MCTP1: variants seen among roughly 807,000 people sequenced by gnomAD.
MCTP1 encodes the protein multiple C2 and transmembrane domain-containing protein 1.
In MCTP1, 69 loss-of-function variants were observed where a neutral mutation model predicts 120.6. The ratio of observed to expected loss-of-function variants is 0.57; its 90% CI spans 0.47 to 0.70. MCTP1 has a LOEUF of 0.70. Ranked by LOEUF, MCTP1 falls within the 30% of genes least tolerant of loss-of-function variation. The pLI is 0.00. For synonymous variants in MCTP1, 529 were observed against 493.1 expected (o/e 1.07, Z -0.96); for missense variants, 1,203 against 1,248.8 (o/e 0.96, Z 0.55).
At chr5:94,941,694 T>C (rs1350687802) in intron 4 of MCTP1, among the ~76,000 whole-genome samples, 1 of 152,066 alleles carries the variant, frequency 6.6e-6, no homozygotes, top group Non-Finnish European at 1.5e-5. Flanking sequence ...ATTTTTTTAT[T>C]CTATAATACA....
intron 1 of MCTP1, among the ~76,000 whole-genome samples, chr5:95,217,749 C>G (rs1411665484): frequency 6.6e-6 from 1 of 152,002 alleles, no homozygotes; most frequent in Admixed American, 6.6e-5. Flanking sequence ...TAATAAAATA[C>G]ATATATTTTG....
chr5:94,823,920 C>T (rs79278792), intron 17 of MCTP1, among the ~76,000 whole-genome samples: 6 of 152,190 alleles, frequency 3.9e-5, no homozygotes, highest in Non-Finnish European at 8.8e-5. Flanking sequence ...GCTGAAGTTG[C>T]TTATCAGCTA....
chr5:95,154,425 T>C (rs1166206072), intron 1 of MCTP1, among the ~76,000 whole-genome samples: 3 of 152,206 alleles, frequency 2.0e-5, no homozygotes, highest in Non-Finnish European at 2.9e-5. Context: ...ATTGGTTTCC[T>C]CATTTGTGAA....
At chr5:95,279,761 C>T (rs1228636408) in intron 1 of MCTP1, among the ~76,000 whole-genome samples, 2 of 152,146 alleles carry the variant, frequency 1.3e-5, no homozygotes, top group Non-Finnish European at 2.9e-5. Context: ...CTCTTTACTC[C>T]CTTTCTTTGG....
rs556408981 is a variant in MCTP1, at chr5:95,260,305, C to G, written c.720+23551G>C. Among the ~76,000 whole-genome samples, 30 of 152,278 alleles carry G rather than the reference C, an allele frequency of 2.0e-4. 1 individual carries two copies. In the South Asian group the frequency reaches 5.8e-3, roughly 29 times the overall value. Reference sequence around the variant, plus strand: ...ATCCAGTGCTGATTCGGAGAAATCTCTATTTCAGTCTATTCCTATATGTTA... The same window carrying G: ...ATCCAGTGCTGATTCGGAGAAATCTGTATTTCAGTCTATTCCTATATGTTA... On this transcript the variant is annotated intron_variant, in intron 1 of 22. Coordinates refer to ENST00000515393, the MANE Select transcript of MCTP1 (RefSeq NM_024717.7).
chr5:95,268,887 G>C (rs552071169), intron 1 of MCTP1, among the ~76,000 whole-genome samples: 2 of 152,178 alleles, frequency 1.3e-5, no homozygotes, highest in East Asian at 3.8e-4. Context: ...TTCATCCATC[G>C]CTGGGTCAGG....
At position 95,215,646 on chromosome 5, in the gene MCTP1, T is replaced by C. The variant is rs1381105922; in HGVS notation, c.720+68210A>G. ...ATTTTTTTCTTTTTAGCCTTTCTGC[T>C]TTTTTTCTCTCCTTTTTTCTGCCTG... is the stretch of plus-strand genomic sequence containing the variant. On this transcript the variant is annotated intron_variant, in intron 1 of 22. Coordinates refer to ENST00000515393, the MANE Select transcript of MCTP1 (RefSeq NM_024717.7). Among the ~76,000 whole-genome samples the C allele has an allele frequency of 1.3e-4, 20 of 152,184 alleles. 1 individual carries two copies. Among genetic ancestry groups the C allele is most frequent in the Admixed American group, 1.0e-3 (16 of 15,264 alleles).
chr5:95,241,047 G>T (rs1756109920), intron 1 of MCTP1, among the ~76,000 whole-genome samples: 1 of 151,814 alleles, frequency 6.6e-6, no homozygotes, highest in Admixed American at 6.6e-5. Context: ...TTCTAATTTT[G>T]GGGGGTACTT....
chr5:94,909,479 G>A, intron 9 of MCTP1, 98 bp from the exon 10 acceptor site: 1 of 1,160,454 alleles, frequency 8.6e-7, no homozygotes, highest in South Asian at 1.5e-5. Context: ...ATAGTATCTA[G>A]AAAAGCACGC....
intron 2 of MCTP1, among the ~76,000 whole-genome samples, chr5:94,993,807 CTT>C (rs1027433645): frequency 6.6e-6 from 1 of 152,182 alleles, no homozygotes; most frequent in Admixed American, 6.6e-5. Context: ...GCATTAAAAA[CTT>C]ATCAATAAAA....
intron 12 of MCTP1, among the ~76,000 whole-genome samples, chr5:94,888,587 A>G (rs1224526288): frequency 6.6e-6 from 1 of 152,228 alleles, no homozygotes; most frequent in Non-Finnish European, 1.5e-5. Flanking sequence ...ATACCTGGAA[A>G]TAACAATATC....
At chr5:94,761,832 G>A (rs766481396) in intron 19 of MCTP1, among the ~76,000 whole-genome samples, 3 of 152,204 alleles carry the variant, frequency 2.0e-5, no homozygotes, top group Non-Finnish European at 4.4e-5. Flanking sequence ...TGTGGGAAAC[G>A]TGACATTCTG....
chr5:94,836,947 T>G (rs1361468298), intron 17 of MCTP1, among the ~76,000 whole-genome samples: 4 of 148,590 alleles, frequency 2.7e-5, no homozygotes, highest in African/African-American at 9.7e-5. Flanking sequence ...TGTTTGTTTG[T>G]TTTTTTCCCT....
intron 1 of MCTP1, chr5:95,081,881 C>T: frequency 1.0e-6 from 1 of 972,490 alleles, no homozygotes; most frequent in East Asian, 1.1e-4. Context: ...AAAGCCACAA[C>T]AGGAAATGAG....
intron 1 of MCTP1, among the ~76,000 whole-genome samples, chr5:95,103,471 G>A (rs1369956651): frequency 6.6e-6 from 1 of 152,118 alleles, no homozygotes; most frequent in African/African-American, 2.4e-5. Flanking sequence ...GATAGATGAG[G>A]CAGAGAAAAT....
chr5:94,954,506 A>G (rs2153540294), intron 2 of MCTP1, among the ~76,000 whole-genome samples: 1 of 152,170 alleles, frequency 6.6e-6, no homozygotes, highest in East Asian at 1.9e-4. Flanking sequence ...CTTTACCACT[A>G]TGCAATACAT....
intron 1 of MCTP1, among the ~76,000 whole-genome samples, chr5:95,205,246 T>C (rs991173562): frequency 3.9e-5 from 6 of 151,978 alleles, no homozygotes; most frequent in African/African-American, 1.2e-4. Context: ...GGGGAAAAAA[T>C]AGTCTTTCAA....
At chr5:95,253,802 G>A (rs995077693) in intron 1 of MCTP1, among the ~76,000 whole-genome samples, 1 of 152,038 alleles carries the variant, frequency 6.6e-6, no homozygotes, top group Non-Finnish European at 1.5e-5. Context: ...GGGAGGAAAG[G>A]AGATTGCAAG....
At chr5:95,040,379 C>T (rs559052987) in intron 1 of MCTP1, among the ~76,000 whole-genome samples, 2 of 150,710 alleles carry the variant, frequency 1.3e-5, no homozygotes, top group African/African-American at 4.9e-5. Flanking sequence ...CGGAAGGTTG[C>T]AGCAAGCTGA....
Sources: gnomAD v4.1 joint callset for allele counts (sites outside exome capture counted in the v4.1 genomes callset) on GRCh38, gnomAD v4.1.1 for gene constraint, MANE v1.5 for transcripts, NCBI Gene and HGNC (gene_info 2026-07-23, HGNC 2026-07-21) for gene names.